MBOAT4: variants seen among roughly 807,000 people sequenced by gnomAD.
MBOAT4 encodes membrane bound ghrelin O-acyltransferase MBOAT4.
MBOAT4 carries 11 observed loss-of-function variants against 13.2 expected under a neutral mutation model. The observed-to-expected ratio is 0.84, with a 90% CI of 0.53 to 1.38. MBOAT4 has a LOEUF of 1.38. Among genes scored for constraint, MBOAT4 ranks in the 40% most tolerant of loss-of-function variants. The pLI, the probability that MBOAT4 is intolerant of heterozygous loss-of-function variation, is 0.00. For synonymous variants in MBOAT4, 202 were observed against 210.3 expected (o/e 0.96, Z 0.34); for missense variants, 481 against 527.2 (o/e 0.91, Z 0.86).
chr8:30,137,261 C>A, intron 2 of MBOAT4: 1 of 1,547,318 alleles, frequency 6.5e-7, no homozygotes, highest in South Asian at 1.2e-5. Context: ...CTCTTGATTT[C>A]TGTTTTCTAG....
At chr8:30,144,139 A>ATTT (rs67795918) in intron 1 of MBOAT4, among the ~76,000 whole-genome samples, 222 of 148,666 alleles carry the variant, frequency 1.5e-3, no homozygotes, top group Non-Finnish European at 1.6e-3. Flanking sequence ...GTATTTCTGA[A>ATTT]TTTTTTTTTT....
At chr8:30,138,413 A>G (rs1803193130) in intron 2 of MBOAT4, 119 bp downstream of exon 2, 1 of 705,138 alleles carries the variant, frequency 1.4e-6, no homozygotes, top group African/African-American at 1.8e-5. Flanking sequence ...GCTCAAGGTC[A>G]CACTGGTCAA....
At chr8:30,138,196 T>A in intron 2 of MBOAT4, 1 of 189,976 alleles carries the variant, frequency 5.3e-6, no homozygotes, top group Admixed American at 5.3e-5. Context: ...AAGCTTGGAG[T>A]AATAATAAAA....
chr8:30,138,280 C>A, intron 2 of MBOAT4: 2 of 364,772 alleles, frequency 5.5e-6, no homozygotes, highest in Non-Finnish European at 5.1e-6. Context: ...TTTGTCTAGG[C>A]AGTGGAGAAG....
Position 30,138,536 on chromosome 8 carries a change from C to T in MBOAT4, c.340G>A (p.Val114Met). The T allele has an allele frequency of 6.5e-7, 1 of 1,545,654 alleles. No individual in the cohort carries two copies. The highest frequency in any genetic ancestry group is 1.4e-5 in the African/African-American group (1 of 73,050). ...TEYYLHEPPS[V>M]RFCITLSSLM... ...ACCAACGAACAGGCTGCTTACCTCA[C>T]AGAAGGAGGCTCATGCAGATAATAC... Residue 114 changes from valine (V) to methionine (M), a missense_variant, in exon 2 of 3, where the codon GTG becomes ATG. Physicochemically the swap from Val to Met is conservative, Grantham distance 21. Transcript: ENST00000320542.
rs1305778687 is a variant in MBOAT4 at position 30,144,568 on chromosome 8, T to G, written c.34A>C (p.Ile12Leu). Residue 12 changes from isoleucine (I) to leucine (L), a missense_variant, in exon 1 of 3, where the codon ATA becomes CTA. Physicochemically the swap from Ile to Leu is conservative, Grantham distance 5 (BLOSUM62 2). Coordinates refer to ENST00000320542, the MANE Select transcript of MBOAT4 (RefSeq NM_001100916.2). ...AATGCAGCCCCCTGGTAAAACGATA[T>G]AGGATGGAGAAAGAACAGCCAAAGC... ...EWLWLFFLHP[I>L]SFYQGAAFPF... 1 of 1,551,328 alleles carries G rather than the reference T, an allele frequency of 6.4e-7. No homozygotes were observed. The highest frequency in any genetic ancestry group is 8.7e-7 in the Non-Finnish European group (1 of 1,146,862).
chr8:30,136,567 G>C (rs1034230319), intron 2 of MBOAT4, among the ~76,000 whole-genome samples: 1 of 152,152 alleles, frequency 6.6e-6, no homozygotes, highest in Non-Finnish European at 1.5e-5. Flanking sequence ...GCCAGATCCT[G>C]TTCAACTTGC....
chr8:30,131,944 C>G lies in MBOAT4; in HGVS notation c.1307G>C (p.Ter436SerextTer15). Reference protein sequence around the residue: ...LLAKRKHKCN* With the variant: ...LLAKRKHKCNS ...TAAGGTGAAAGCCAGGGAAAGATGT[C>G]AGTTACATTTGTGCTTTCTCTTCGC... Residue 436 changes from the stop codon to serine (S), a stop_lost, in exon 3 of 3, where the codon TGA (stop) becomes TCA (serine). Transcript: ENST00000320542. 1 of 1,541,700 alleles carries G rather than the reference C, an allele frequency of 6.5e-7. No individual in the cohort carries two copies. The highest frequency in any genetic ancestry group is 2.5e-5 in the East Asian group (1 of 40,732).
At chr8:30,135,480 G>C (rs573715490) in intron 2 of MBOAT4, among the ~76,000 whole-genome samples, 23 of 152,144 alleles carry the variant, frequency 1.5e-4, no homozygotes, top group Non-Finnish European at 2.5e-4. Flanking sequence ...TGCCTAATGT[G>C]GGATTTGTAC....
At chr8:30,143,793 T>G (rs79036416) in intron 1 of MBOAT4, among the ~76,000 whole-genome samples, 4,062 of 152,316 alleles carry the variant, frequency 0.027, 176 homozygotes, top group African/African-American at 0.093. Flanking sequence ...AAATTTAATT[T>G]GATTGAAAAT....
At chr8:30,133,168 C>T (rs28477595) in intron 2 of MBOAT4, among the ~76,000 whole-genome samples, 4,188 of 152,222 alleles carry the variant, frequency 0.028, 210 homozygotes, top group African/African-American at 0.096. Context: ...CTGCCTGTCT[C>T]GGCCTCCCAG....
At chr8:30,139,077 A>T (rs774400245) in intron 1 of MBOAT4, among the ~76,000 whole-genome samples, 2 of 150,988 alleles carry the variant, frequency 1.3e-5, no homozygotes, top group African/African-American at 2.4e-5. Context: ...GACTCAAGTG[A>T]TCCTCCTACC....
chr8:30,142,099 G>A (rs908023241), intron 1 of MBOAT4, among the ~76,000 whole-genome samples: 7 of 152,134 alleles, frequency 4.6e-5, no homozygotes, highest in African/African-American at 1.4e-4. Context: ...GTCTGTACAT[G>A]GACAATGTAG....
intron 2 of MBOAT4, 108 bp from the exon 3 acceptor site, chr8:30,133,014 C>CTG: frequency 9.3e-7 from 1 of 1,076,206 alleles, no homozygotes; most frequent in South Asian, 2.0e-5. Context: ...GTCTGTACAG[C>CTG]TAAGATTAAT....
chr8:30,137,301 G>C, intron 2 of MBOAT4: 2 of 1,551,646 alleles, frequency 1.3e-6, no homozygotes, highest in Non-Finnish European at 1.7e-6. Context: ...TCAGCAAGAT[G>C]GGAACAGCTG....
Position 30,132,814 on chromosome 8 carries a change from G to C in MBOAT4, c.437C>G (p.Ser146Cys). The change falls in exon 3 of 3, where the codon TCT becomes TGT. Residue 146 changes from serine (S) to cysteine (C), a missense_variant. By Grantham distance (112) the Ser-to-Cys change is moderately radical (BLOSUM62 -1). Coordinates refer to ENST00000320542, the MANE Select transcript of MBOAT4 (RefSeq NM_001100916.2). ...DICEGKVKAA[S>C]GGFRSRSSLS... The stretch of plus-strand genomic sequence containing the variant: ...AGAGCTCCTGCTCCTGAAGCCTCCA[G>C]ATGCTGCCTTCACTTTCCCCTCACA... The C allele has an allele frequency of 1.3e-6, 2 of 1,551,788 alleles. No individual in the cohort carries two copies. The highest frequency in any genetic ancestry group is 1.7e-6 in the Non-Finnish European group (2 of 1,147,018).
intron 1 of MBOAT4, among the ~76,000 whole-genome samples, chr8:30,140,964 A>G (rs892702190): frequency 2.2e-4 from 34 of 151,910 alleles, no homozygotes; most frequent in African/African-American, 8.2e-4. Context: ...CAGCCTCCCT[A>G]GTAACTGGGA....
rs1803019954 is a variant in MBOAT4, at chr8:30,131,772, G to C, written c.*171C>G. ...TTGTATCCTCAGTACCAGCAGAATA[G>C]CTTGCTAAAGTAGATACACAAATTC... On this transcript the variant is annotated 3_prime_UTR_variant, in exon 3 of 3. Transcript: ENST00000320542. 7.0e-6 allele frequency: 5 copies of C among 715,678 alleles called. No individual in the cohort carries two copies. The highest frequency in any genetic ancestry group is 3.2e-5 in the Admixed American group (1 of 31,474). 44.3% of individuals were successfully genotyped at this position (715,678 alleles called of 1,614,324 possible).
At chr8:30,136,186 T>C (rs996312344) in intron 2 of MBOAT4, among the ~76,000 whole-genome samples, 3 of 152,218 alleles carry the variant, frequency 2.0e-5, no homozygotes, top group African/African-American at 7.2e-5. Flanking sequence ...TACCTCAGAA[T>C]GTGACTGTAT....
Sources: gnomAD v4.1 joint callset for allele counts (sites outside exome capture counted in the v4.1 genomes callset) on GRCh38, gnomAD v4.1.1 for gene constraint, MANE v1.5 for transcripts, NCBI Gene and HGNC (gene_info 2026-07-23, HGNC 2026-07-21) for gene names.